NRXN1: variants seen among roughly 807,000 people sequenced by gnomAD.
NRXN1 encodes neurexin 1, also known as neurexin-1.
In NRXN1, 39 loss-of-function variants were observed where a neutral mutation model predicts 150.9. The observed-to-expected ratio is 0.26, with a 90% confidence interval of 0.20 to 0.34. NRXN1 has a LOEUF of 0.34. Ranked by LOEUF, NRXN1 falls within the 10% of genes least tolerant of loss-of-function variation. The pLI, the probability that NRXN1 is intolerant of heterozygous loss-of-function variation, is 1.00. For missense variants in NRXN1, 1,815 were observed against 1,949.9 expected (o/e 0.93, Z 1.30); for synonymous variants, 924 against 757.0 (o/e 1.22, Z -3.62).
rs374363312 is a variant in NRXN1, at chr2:49,948,468, G to A, written c.4129-4677C>T. 3.3e-5 allele frequency among the ~76,000 whole-genome samples: 5 copies of A among 151,844 alleles called. No individual in the cohort carries two copies. In the South Asian group the frequency reaches 6.2e-4, roughly 19 times the overall value. On this transcript the variant is annotated intron_variant, in intron 21 of 22. Transcript: ENST00000401669. Reference sequence around the variant, plus strand: ...TAATTTCCCTGGTATAATGAAATACGTTCTTGATTTTCATATATGTTTTTC... The same window carrying A: ...TAATTTCCCTGGTATAATGAAATACATTCTTGATTTTCATATATGTTTTTC...
chr2:50,400,033 C>G (rs2082297457), intron 17 of NRXN1, among the ~76,000 whole-genome samples: 1 of 151,798 alleles, frequency 6.6e-6, no homozygotes, highest in Non-Finnish European at 1.5e-5. Flanking sequence ...GTACAATTAA[C>G]ACTTGCCAAA....
At chr2:50,605,489 C>A (rs900531363) in intron 8 of NRXN1, among the ~76,000 whole-genome samples, 43 of 152,238 alleles carry the variant, frequency 2.8e-4, no homozygotes, top group Admixed American at 2.6e-3. Context: ...ATAAACATTT[C>A]TTCAAAGAAG....
At chr2:50,845,404 CA>C (rs1398424621) in intron 5 of NRXN1, among the ~76,000 whole-genome samples, 1 of 152,144 alleles carries the variant, frequency 6.6e-6, no homozygotes, top group East Asian at 1.9e-4. Flanking sequence ...TCTCAATTTT[CA>C]AAAGAAGAAA....
intron 17 of NRXN1, among the ~76,000 whole-genome samples, chr2:50,439,603 G>A (rs374959524): frequency 3.4e-4 from 52 of 152,106 alleles, no homozygotes; most frequent in African/African-American, 1.3e-3. Context: ...TCAGGAGATT[G>A]AGACCATCCT....
intron 5 of NRXN1, among the ~76,000 whole-genome samples, chr2:50,797,304 T>C (rs557222473): frequency 6.6e-6 from 1 of 152,144 alleles, no homozygotes; most frequent in Non-Finnish European, 1.5e-5. Flanking sequence ...TTGCAACCAA[T>C]ATCCAGGTGT....
chr2:49,936,606 G>C, intron 22 of NRXN1, among the ~76,000 whole-genome samples: 1 of 151,870 alleles, frequency 6.6e-6, no homozygotes, highest in East Asian at 1.9e-4. Context: ...TCTCAAATTA[G>C]TTCTATATAA....
chr2:50,575,891 C>A (rs553649730), intron 8 of NRXN1, among the ~76,000 whole-genome samples: 3 of 152,144 alleles, frequency 2.0e-5, no homozygotes, highest in Non-Finnish European at 4.4e-5. Context: ...TGCCCTCTCT[C>A]GTAACCAGAA....
intron 17 of NRXN1, among the ~76,000 whole-genome samples, chr2:50,363,795 T>C (rs1023395389): frequency 6.6e-6 from 1 of 152,216 alleles, no homozygotes; most frequent in Non-Finnish European, 1.5e-5. Flanking sequence ...TGCACATTTA[T>C]GTTTATTGCA....
chr2:50,180,058 T>C (rs1559039853), intron 18 of NRXN1, among the ~76,000 whole-genome samples: 1 of 152,118 alleles, frequency 6.6e-6, no homozygotes, highest in African/African-American at 2.4e-5. Flanking sequence ...CACTCTGTTG[T>C]CCAGGCTGGC....
At chr2:50,892,939 T>C (rs1373299097) in intron 5 of NRXN1, among the ~76,000 whole-genome samples, 1 of 152,138 alleles carries the variant, frequency 6.6e-6, no homozygotes, top group South Asian at 2.1e-4. Flanking sequence ...GGTTTGCCCC[T>C]AGCCAATGAC....
chr2:50,766,287 G>A (rs1702375492), intron 5 of NRXN1, among the ~76,000 whole-genome samples: 1 of 151,986 alleles, frequency 6.6e-6, no homozygotes, highest in African/African-American at 2.4e-5. Context: ...ACATGGATGG[G>A]ATGGGGTGGG....
intron 18 of NRXN1, among the ~76,000 whole-genome samples, chr2:50,232,113 A>T (rs540679630): frequency 6.6e-6 from 1 of 152,228 alleles, no homozygotes; most frequent in South Asian, 2.1e-4. Flanking sequence ...AGACAGAAAA[A>T]TACCAAGAAA....
intron 5 of NRXN1, among the ~76,000 whole-genome samples, chr2:50,731,564 G>A (rs1698118755): frequency 6.6e-6 from 1 of 152,126 alleles, no homozygotes; most frequent in African/African-American, 2.4e-5. Context: ...ATCTAGAATG[G>A]TGGCTGGTGG....
At chr2:50,792,974 A>G (rs533980476) in intron 5 of NRXN1, among the ~76,000 whole-genome samples, 2 of 152,210 alleles carry the variant, frequency 1.3e-5, no homozygotes, top group East Asian at 3.9e-4. Context: ...TCCATTTCAC[A>G]TTAATTGATA....
intron 8 of NRXN1, among the ~76,000 whole-genome samples, chr2:50,571,039 C>G (rs951855141): frequency 1.3e-5 from 2 of 152,118 alleles, no homozygotes; most frequent in African/African-American, 2.4e-5. Flanking sequence ...CTTTGAGAAG[C>G]AGGTCTAAGT....
intron 18 of NRXN1, among the ~76,000 whole-genome samples, chr2:50,216,338 C>A (rs1444284150): frequency 6.6e-6 from 1 of 151,864 alleles, no homozygotes; most frequent in Non-Finnish European, 1.5e-5. Context: ...TTTTTTCAAA[C>A]TTAATGCTCT....
At chr2:49,929,915 C>T (rs1272570680) in intron 22 of NRXN1, among the ~76,000 whole-genome samples, 1 of 152,072 alleles carries the variant, frequency 6.6e-6, no homozygotes, top group Non-Finnish European at 1.5e-5. Flanking sequence ...GTTAAAGTAA[C>T]AGCTGGGATA....
chr2:50,255,450 C>A (rs1470958192), intron 17 of NRXN1, among the ~76,000 whole-genome samples: 1 of 152,132 alleles, frequency 6.6e-6, no homozygotes, highest in Admixed American at 6.6e-5. Flanking sequence ...AGGTAAGTGT[C>A]AAATCTTTTT....
intron 7 of NRXN1, 145 bp from the exon 8 acceptor site, chr2:50,620,328 G>A: frequency 2.2e-6 from 2 of 906,782 alleles, no homozygotes; most frequent in East Asian, 5.4e-5. Flanking sequence ...TTTGGTTTTT[G>A]TTTTTAGACC....
Sources: gnomAD v4.1 joint callset for allele counts (sites outside exome capture counted in the v4.1 genomes callset) on GRCh38, gnomAD v4.1.1 for gene constraint, MANE v1.5 for transcripts, NCBI Gene and HGNC (gene_info 2026-07-23, HGNC 2026-07-21) for gene names.